Variants in IFIH1 observed in about 807,000 individuals in gnomAD.
The protein encoded by IFIH1 is interferon-induced helicase C domain-containing protein 1.
IFIH1 carries 125 observed loss-of-function variants against 107.4 expected under a neutral mutation model. The observed-to-expected ratio is 1.16, with a 90% confidence interval of 1.01 to 1.35. The LOEUF is 1.35. Among genes scored for constraint, IFIH1 ranks in the 40% most tolerant of loss-of-function variants. IFIH1 has a pLI of 0.00. For synonymous variants in IFIH1, 458 were observed against 413.2 expected, an observed-to-expected ratio of 1.11 and a Z score of -1.31; for missense variants, 1,333 against 1,213.7, an observed-to-expected ratio of 1.10 and a Z score of -1.46.
intron 3 of IFIH1, among the ~76,000 whole-genome samples, chr2:162,297,110 A>G (rs1349316862): frequency 6.6e-6 from 1 of 152,104 alleles, no homozygotes; most frequent in African/African-American, 2.4e-5. Flanking sequence ...TTCCCCAGAG[A>G]TCTTCCTCCT....
At position 162,267,094 on chromosome 2, in the gene IFIH1, T is replaced by C; in HGVS notation, c.*106A>G. On this transcript the variant is annotated 3_prime_UTR_variant, in exon 16 of 16. Transcript: ENST00000649979. ...AAGAGTTCAATGCAGAGTAAAACAATCATTTTATTGATTCTTATGTCAGTT... is the reference window on the plus strand; with the variant it reads ...AAGAGTTCAATGCAGAGTAAAACAACCATTTTATTGATTCTTATGTCAGTT... The C allele has an allele frequency of 1.2e-6, 1 of 858,808 alleles. No homozygotes were observed. Among genetic ancestry groups the C allele is most frequent in the Non-Finnish European group, 1.8e-6 (1 of 557,380 alleles). The allele number at this position is 858,808 out of a possible 1,614,324, so 53.2% of individuals were successfully genotyped here. A position where few individuals can be genotyped will look rare whatever the true frequency, so the allele number is the denominator to read the frequency against.
rs1265758166 is a variant in IFIH1, at chr2:162,267,585, G to A, written c.2808-16C>T. On this transcript the variant is annotated splice_polypyrimidine_tract_variant and intron_variant, in intron 14 of 15. Transcript: ENST00000649979. ...GTAAAGTTCCCTATAAGTATCAAAGGGAAAGAATCATCATGGAGAACTGAC... is the reference window on the plus strand; with the variant it reads ...GTAAAGTTCCCTATAAGTATCAAAGAGAAAGAATCATCATGGAGAACTGAC... 4.5e-6 allele frequency: 7 copies of A among 1,553,540 alleles called. No homozygotes were observed. The East Asian group carries it at 6.7e-5, about 15-fold the overall frequency.
At chr2:162,313,947 A>G (rs1312126526) in intron 1 of IFIH1, among the ~76,000 whole-genome samples, 5 of 152,180 alleles carry the variant, frequency 3.3e-5, no homozygotes, top group Admixed American at 3.3e-4. Context: ...TGGACTAGTC[A>G]TGGCATCTCT....
intron 3 of IFIH1, among the ~76,000 whole-genome samples, chr2:162,304,440 C>T (rs865799900): frequency 6.6e-5 from 10 of 151,912 alleles, no homozygotes; most frequent in East Asian, 1.9e-4. Flanking sequence ...CCAGCCTGGG[C>T]GACAGAGAGA....
intron 1 of IFIH1, among the ~76,000 whole-genome samples, chr2:162,316,190 C>T (rs1216149750): frequency 6.6e-6 from 1 of 152,140 alleles, no homozygotes; most frequent in African/African-American, 2.4e-5. Flanking sequence ...AGTGCTGTTT[C>T]GCTGGCAATC....
rs770138422 is a variant in IFIH1 at position 162,273,881 on chromosome 2, T to C, written c.2368A>G (p.Thr790Ala). 12 of 1,610,372 alleles carry C rather than the reference T, an allele frequency of 7.5e-6. No individual in the cohort carries two copies. The highest frequency in any genetic ancestry group is 5.5e-5 in the South Asian group (5 of 90,830). ...ATATCCAGACCTTCTTCTGCCACTG[T>C]GGTAGCGATAAGCAGATTTATTTTT... ...TGKINLLIAT[T>A]VAEEGLDIKE... The change falls in exon 12 of 16, where the codon ACA (threonine) becomes GCA (alanine). Residue 790 changes from threonine to alanine, a missense_variant. Physicochemically the swap from Thr to Ala is moderately conservative, Grantham distance 58. Coordinates refer to ENST00000649979, the MANE Select transcript of IFIH1 (RefSeq NM_022168.4).
Position 162,306,845 on chromosome 2 carries a change from A to C in IFIH1, c.633T>G (p.Asn211Lys). 6.2e-7 allele frequency: 1 copy of C among 1,613,790 alleles called. No homozygotes were observed. Among genetic ancestry groups the C allele is most frequent in the Non-Finnish European group, 8.5e-7 (1 of 1,179,778 alleles). Residue 211 changes from asparagine to lysine, a missense_variant, in exon 3 of 16, where the codon AAT becomes AAG. Transcript: ENST00000649979. ...DCSESNAEIE[N>K]LSQVDGPQVE... Reference sequence around the variant, plus strand: ...CTTGAGGACCATCAACTTGTGATAAATTCTCAATCTCTGTGAATAACAGTA... The same window carrying C: ...CTTGAGGACCATCAACTTGTGATAACTTCTCAATCTCTGTGAATAACAGTA...
chr2:162,283,407 G>T (rs2105204105), intron 5 of IFIH1, among the ~76,000 whole-genome samples: 1 of 152,086 alleles, frequency 6.6e-6, no homozygotes, highest in Admixed American at 6.6e-5. Flanking sequence ...TAGCTGGGTT[G>T]ACACCTCAAT....
intron 3 of IFIH1, among the ~76,000 whole-genome samples, chr2:162,304,093 A>C (rs1478861375): frequency 6.6e-6 from 1 of 152,054 alleles, no homozygotes; most frequent in Non-Finnish European, 1.5e-5. Flanking sequence ...CAACAACAAC[A>C]AAAAAAACTA....
At position 162,277,597 on chromosome 2, in the gene IFIH1, T is replaced by A. The variant is rs770726979; in HGVS notation, c.1862A>T (p.Asp621Val). Residue 621 changes from aspartate to valine, a missense_variant, in exon 10 of 16, where the codon GAT (aspartate) becomes GTT (valine). Transcript: ENST00000649979. ...LQINDTIRMIDAYTHLETFYN... is the reference protein window; with the variant it reads ...LQINDTIRMIVAYTHLETFYN... ...GAAAGTTTCAAGATGAGTATACGCA[T>A]CTATCATTCGAATTGTGTCATTAAT... The A allele has an allele frequency of 5.6e-6, 9 of 1,613,034 alleles. No homozygotes were observed. Among genetic ancestry groups the A allele is most frequent in the Non-Finnish European group, 5.9e-6 (7 of 1,179,292 alleles).
At chr2:162,288,091 ATAC>A in intron 5 of IFIH1, 41 bp downstream of exon 5, 1 of 1,307,692 alleles carries the variant, frequency 7.6e-7, no homozygotes, top group Non-Finnish European at 1.1e-6. Flanking sequence ...TTTCAGAATA[ATAC>A]AATGAAAATG....
At chr2:162,284,344 C>T (rs1682861141) in intron 5 of IFIH1, among the ~76,000 whole-genome samples, 1 of 152,006 alleles carries the variant, frequency 6.6e-6, no homozygotes, top group African/African-American at 2.4e-5. Context: ...ACTCCAGCCA[C>T]TTACTTCTTT....
chr2:162,284,803 G>A (rs2389683), intron 5 of IFIH1, among the ~76,000 whole-genome samples: 21 of 151,600 alleles, frequency 1.4e-4, no homozygotes, highest in South Asian at 4.2e-4. Flanking sequence ...TGTATATTTC[G>A]TGAGGACAAG....
intron 4 of IFIH1, among the ~76,000 whole-genome samples, chr2:162,289,799 T>G (rs1682965084): frequency 6.6e-6 from 1 of 151,960 alleles, no homozygotes; most frequent in South Asian, 2.1e-4. Context: ...ATCTGCTGAT[T>G]CATTCAATAT....
intron 5 of IFIH1, among the ~76,000 whole-genome samples, chr2:162,286,615 G>T (rs1682897809): frequency 6.9e-6 from 1 of 145,656 alleles, no homozygotes; most frequent in Admixed American, 7.1e-5. Context: ...ACAGGTAAAT[G>T]GGGAAGAGGA....
intron 1 of IFIH1, 141 bp from the exon 2 acceptor site, chr2:162,311,074 A>G (rs1391584265): frequency 6.8e-6 from 4 of 588,630 alleles, no homozygotes; most frequent in African/African-American, 3.8e-5. Context: ...GAAAATAGCA[A>G]TGTTACCTGT....
At chr2:162,275,872 C>T (rs1479583056) in intron 11 of IFIH1, among the ~76,000 whole-genome samples, 1 of 152,110 alleles carries the variant, frequency 6.6e-6, no homozygotes, top group East Asian at 1.9e-4. Flanking sequence ...AACAAAACAC[C>T]TTAAAATGGA....
intron 3 of IFIH1, among the ~76,000 whole-genome samples, chr2:162,297,426 A>C (rs1432453308): frequency 2.6e-5 from 4 of 152,172 alleles, no homozygotes; most frequent in Non-Finnish European, 5.9e-5. Context: ...CCAACAGATA[A>C]GTCTCCAGAT....
Position 162,276,829 on chromosome 2 carries a change from C to G in IFIH1, c.2162G>C (p.Gly721Ala). 1 of 1,613,912 alleles carries G rather than the reference C, an allele frequency of 6.2e-7. No individual in the cohort carries two copies. Among genetic ancestry groups the G allele is most frequent in the South Asian group, 1.1e-5 (1 of 91,088 alleles). Residue 721 changes from glycine to alanine, a missense_variant, in exon 11 of 16, where the codon GGA (glycine) becomes GCA (alanine). Gly to Ala is a moderately conservative substitution (Grantham distance 60). Coordinates refer to ENST00000649979, the MANE Select transcript of IFIH1 (RefSeq NM_022168.4). Reference protein sequence around the residue: ...QYTRTEESARGIIFTKTRQSA... With the variant: ...QYTRTEESARAIIFTKTRQSA... Reference sequence around the variant, plus strand: ...CTGTCGTGTTTTTGTAAAGATTATTCCTCGTGCTGATTCCTCAGTCCTAGT... The same window carrying G: ...CTGTCGTGTTTTTGTAAAGATTATTGCTCGTGCTGATTCCTCAGTCCTAGT...
Sources: gnomAD v4.1 joint callset for allele counts (sites outside exome capture counted in the v4.1 genomes callset) on GRCh38, gnomAD v4.1.1 for gene constraint, MANE v1.5 for transcripts, NCBI Gene and HGNC (gene_info 2026-07-23, HGNC 2026-07-21) for gene names.